The following DIAPH3 variants were observed in gnomAD, a reference collection of about 807,000 sequenced individuals.
DIAPH3 encodes diaphanous related formin 3.
Under a neutral mutation model 144.3 loss-of-function variants are expected in DIAPH3, and 117 were observed. The ratio of observed to expected loss-of-function variants is 0.81; its 90% CI spans 0.70 to 0.95. The LOEUF (loss-of-function observed/expected upper bound fraction) is 0.95. Among genes scored for constraint, DIAPH3 ranks in the 40% least tolerant of loss-of-function variants. The pLI is 0.00. For synonymous variants in DIAPH3, 519 were observed against 488.9 expected (o/e 1.06, Z -0.81); for missense variants, 1,421 against 1,412.7 (o/e 1.01, Z -0.09).
intron 24 of DIAPH3, among the ~76,000 whole-genome samples, chr13:59,823,708 T>C (rs1296958908): frequency 6.6e-6 from 1 of 152,200 alleles, no homozygotes; most frequent in African/African-American, 2.4e-5. Context: ...GATGATCTAG[T>C]TGGTCCACAC....
intron 4 of DIAPH3, among the ~76,000 whole-genome samples, chr13:60,088,426 C>G (rs2057823850): frequency 1.3e-5 from 2 of 152,128 alleles, no homozygotes; most frequent in Admixed American, 1.3e-4. Flanking sequence ...TACTCCCTCT[C>G]TGCCCCTCTG....
chr13:59,845,570 A>C (rs1308728144), intron 22 of DIAPH3, among the ~76,000 whole-genome samples: 3 of 152,104 alleles, frequency 2.0e-5, no homozygotes, highest in Non-Finnish European at 4.4e-5. Context: ...ATCCTGCCAA[A>C]TATTCATCTC....
intron 9 of DIAPH3, among the ~76,000 whole-genome samples, chr13:59,993,321 C>G (rs2051960127): frequency 6.6e-6 from 1 of 151,814 alleles, no homozygotes; most frequent in Non-Finnish European, 1.5e-5. Flanking sequence ...CCTCCAAAAT[C>G]CATAAAATGG....
At chr13:59,823,653 A>G (rs2041203244) in intron 24 of DIAPH3, among the ~76,000 whole-genome samples, 1 of 152,140 alleles carries the variant, frequency 6.6e-6, no homozygotes. Flanking sequence ...AATCTACAAG[A>G]TTTAGGAGCA....
At chr13:59,678,565 G>C (rs1054972832) in intron 27 of DIAPH3, among the ~76,000 whole-genome samples, 1 of 152,030 alleles carries the variant, frequency 6.6e-6, no homozygotes, top group Non-Finnish European at 1.5e-5. Flanking sequence ...TAGACTGCTA[G>C]ATCTGTGAAA....
At chr13:59,884,898 T>C (rs1210859486) in intron 20 of DIAPH3, among the ~76,000 whole-genome samples, 1 of 152,106 alleles carries the variant, frequency 6.6e-6, no homozygotes, top group East Asian at 1.9e-4. Context: ...CTAAAGTTAT[T>C]TAAGAAAACT....
Position 60,077,609 on chromosome 13 carries a change from G to A in DIAPH3, c.495+16019C>T, listed in dbSNP as rs569036341. Among the ~76,000 whole-genome samples the A allele has an allele frequency of 1.1e-4, 17 of 152,186 alleles. No individual in the cohort carries two copies. The East Asian group carries it at 2.9e-3, about 26-fold the overall frequency. ...GAGAAGTGAATATGTGTTACAGGAG[G>A]AGGCAGTCTGCATGGTACCTGCAAA... On this transcript the variant is annotated intron_variant, in intron 4 of 27. Coordinates refer to ENST00000400324, the MANE Select transcript of DIAPH3 (RefSeq NM_001042517.2).
chr13:60,162,809 T>A (rs12864639), intron 1 of DIAPH3, among the ~76,000 whole-genome samples: 22,460 of 121,994 alleles, frequency 0.18, 2,188 homozygotes, highest in African/African-American at 0.29. Flanking sequence ...TCTCTCTCTC[T>A]CACACACACA....
intron 27 of DIAPH3, among the ~76,000 whole-genome samples, chr13:59,693,225 TG>T (rs1157682817): frequency 1.3e-5 from 2 of 152,172 alleles, no homozygotes; most frequent in Non-Finnish European, 2.9e-5. Flanking sequence ...GTGACTGGAC[TG>T]AGACGGAAGA....
At chr13:59,863,591 A>C (rs544436666) in intron 21 of DIAPH3, among the ~76,000 whole-genome samples, 88 of 152,306 alleles carry the variant, frequency 5.8e-4, no homozygotes, top group Non-Finnish European at 1.1e-3. Flanking sequence ...AGCCGGGAAC[A>C]GTGAGCTACC....
intron 18 of DIAPH3, among the ~76,000 whole-genome samples, chr13:59,920,423 T>C (rs1424607921): frequency 6.6e-6 from 1 of 151,804 alleles, no homozygotes; most frequent in Non-Finnish European, 1.5e-5. Flanking sequence ...AAAATATACT[T>C]TAAACCAAAA....
chr13:59,736,693 T>C (rs1352421073), intron 27 of DIAPH3, among the ~76,000 whole-genome samples: 1 of 152,086 alleles, frequency 6.6e-6, no homozygotes, highest in Non-Finnish European at 1.5e-5. Flanking sequence ...AGAGCCCAAA[T>C]AGTCAAGGCA....
chr13:60,102,606 A>G (rs1229783095), intron 3 of DIAPH3, among the ~76,000 whole-genome samples: 3 of 152,198 alleles, frequency 2.0e-5, no homozygotes, highest in Non-Finnish European at 2.9e-5. Context: ...GATTCTCAAG[A>G]ATCTTCAGAT....
At chr13:59,773,775 A>G (rs2038242886) in intron 27 of DIAPH3, among the ~76,000 whole-genome samples, 1 of 142,556 alleles carries the variant, frequency 7.0e-6, no homozygotes, top group Non-Finnish European at 1.6e-5. Context: ...CCAAAATGCC[A>G]GTTAAGGTAT....
At chr13:59,759,568 C>T (rs1275874184) in intron 27 of DIAPH3, among the ~76,000 whole-genome samples, 2 of 152,026 alleles carry the variant, frequency 1.3e-5, no homozygotes, top group Non-Finnish European at 2.9e-5. Context: ...GGAAAGGGAA[C>T]GGGGATCAGT....
intron 4 of DIAPH3, among the ~76,000 whole-genome samples, chr13:60,058,412 GA>G (rs1327830178): frequency 6.6e-6 from 1 of 152,078 alleles, no homozygotes; most frequent in East Asian, 1.9e-4. Flanking sequence ...TGGATGTGGT[GA>G]AAAGGGAACA....
intron 13 of DIAPH3, among the ~76,000 whole-genome samples, chr13:59,982,538 T>C (rs186814873): frequency 3.2e-4 from 49 of 151,648 alleles, no homozygotes; most frequent in African/African-American, 8.9e-4. Context: ...TCAGATAATA[T>C]ACGAAAAGAA....
At chr13:59,769,517 T>C (rs1216633806) in intron 27 of DIAPH3, among the ~76,000 whole-genome samples, 1 of 152,078 alleles carries the variant, frequency 6.6e-6, no homozygotes, top group Non-Finnish European at 1.5e-5. Flanking sequence ...TGTGGGGGTG[T>C]CTTAACCTAG....
In DIAPH3 at chr13:59,903,662, C is replaced by T. The variant is rs1049080351; in HGVS notation, c.2367+8073G>A. Among the ~76,000 whole-genome samples the T allele has an allele frequency of 3.3e-5, 5 of 150,708 alleles. 1 individual carries two copies. Among genetic ancestry groups the T allele is most frequent in the African/African-American group, 1.2e-4 (5 of 41,002 alleles). ...TGCACCAAGTTATTGATTTCTTGGT[C>T]TACTTTTGAATTAACCCATTTTCAC... On this transcript the variant is annotated intron_variant, in intron 20 of 27. Coordinates refer to ENST00000400324, the MANE Select transcript of DIAPH3 (RefSeq NM_001042517.2).
Sources: gnomAD v4.1 joint callset for allele counts (sites outside exome capture counted in the v4.1 genomes callset) on GRCh38, gnomAD v4.1.1 for gene constraint, MANE v1.5 for transcripts, NCBI Gene and HGNC (gene_info 2026-07-23, HGNC 2026-07-21) for gene names.